ADAMTSL3: variants seen among roughly 807,000 people sequenced by gnomAD.
ADAMTSL3 encodes ADAMTS-like protein 3.
A neutral mutation model predicts 201.7 loss-of-function variants in ADAMTSL3; 128 were observed. The observed-to-expected ratio is 0.63, with a 90% CI of 0.55 to 0.73. The LOEUF (loss-of-function observed/expected upper bound fraction) is 0.73, where lower values mean the gene tolerates loss of function less well. Ranked by LOEUF, ADAMTSL3 falls within the 30% of genes least tolerant of loss-of-function variation. The probability of loss-of-function intolerance (pLI) is 0.00; values close to 1 mark genes in which losing one functional copy is unlikely to be tolerated. For synonymous variants in ADAMTSL3, 738 were observed against 748.4 expected (o/e 0.99, Z 0.23); for missense variants, 1,990 against 2,119.6 (o/e 0.94, Z 1.20).
chr15:83,931,925 A>G (rs558866328), intron 17 of ADAMTSL3, among the ~76,000 whole-genome samples: 2 of 152,348 alleles, frequency 1.3e-5, no homozygotes, highest in African/African-American at 4.8e-5. Flanking sequence ...TATGAAGTAA[A>G]CTGTTTACTA....
At chr15:83,875,797 A>G (rs1163355300) in intron 9 of ADAMTSL3, among the ~76,000 whole-genome samples, 1 of 152,014 alleles carries the variant, frequency 6.6e-6, no homozygotes, top group African/African-American at 2.4e-5. Context: ...ATAAAATAAA[A>G]TAAAATAAAT....
At chr15:83,822,943 G>A (rs974394319) in intron 6 of ADAMTSL3, among the ~76,000 whole-genome samples, 3 of 152,080 alleles carry the variant, frequency 2.0e-5, no homozygotes, top group Non-Finnish European at 4.4e-5. Flanking sequence ...CTGCAATCCC[G>A]GCACCTCGGG....
chr15:83,886,334 T>C (rs1420998659), intron 10 of ADAMTSL3, among the ~76,000 whole-genome samples: 2 of 152,208 alleles, frequency 1.3e-5, no homozygotes, highest in Non-Finnish European at 2.9e-5. Flanking sequence ...TACTATGTGT[T>C]TACCATGTGT....
At chr15:83,953,243 G>A (rs895515700) in intron 19 of ADAMTSL3, among the ~76,000 whole-genome samples, 5 of 151,822 alleles carry the variant, frequency 3.3e-5, no homozygotes, top group African/African-American at 9.7e-5. Flanking sequence ...TTTAGTACAG[G>A]TGATTTTTTT....
At chr15:83,655,952 T>C in intron 2 of ADAMTSL3, 122 bp downstream of exon 2, 1 of 1,043,762 alleles carries the variant, frequency 9.6e-7, no homozygotes, top group South Asian at 1.5e-5. Flanking sequence ...AGAACCAGAC[T>C]TTCTTTCCTA....
intron 4 of ADAMTSL3, among the ~76,000 whole-genome samples, chr15:83,780,927 A>G (rs1322874980): frequency 6.6e-6 from 1 of 152,206 alleles, no homozygotes; most frequent in Non-Finnish European, 1.5e-5. Flanking sequence ...TACAAGGATA[A>G]CTACAAAACA....
chr15:83,767,382 A>T (rs954125155), intron 3 of ADAMTSL3, among the ~76,000 whole-genome samples: 3 of 152,224 alleles, frequency 2.0e-5, no homozygotes, highest in Non-Finnish European at 1.5e-5. Flanking sequence ...TGATTGAAGC[A>T]CACTTGGATT....
At chr15:83,656,020 G>A (rs2061077998) in intron 2 of ADAMTSL3, among the ~76,000 whole-genome samples, 190 bp downstream of exon 2, 1 of 152,060 alleles carries the variant, frequency 6.6e-6, no homozygotes, top group African/African-American at 2.4e-5. Context: ...AGATCCCTTG[G>A]GTCCTCTCTG....
At chr15:84,032,630 A>G (rs1367077787) in intron 28 of ADAMTSL3, among the ~76,000 whole-genome samples, 4 of 152,224 alleles carry the variant, frequency 2.6e-5, no homozygotes, top group African/African-American at 7.2e-5. Flanking sequence ...CTACCTAAGA[A>G]TATATTATAG....
At chr15:83,864,866 C>T (rs1313774134) in intron 8 of ADAMTSL3, among the ~76,000 whole-genome samples, 1 of 152,156 alleles carries the variant, frequency 6.6e-6, no homozygotes, top group African/African-American at 2.4e-5. Context: ...TAGAAAACCC[C>T]ATCGTCTCAG....
At chr15:83,709,487 A>G (rs371792373) in intron 3 of ADAMTSL3, among the ~76,000 whole-genome samples, 3 of 152,208 alleles carry the variant, frequency 2.0e-5, no homozygotes, top group African/African-American at 7.2e-5. Context: ...ACCTGTTCAT[A>G]GGCAAACAGC....
intron 5 of ADAMTSL3, 68 bp from the exon 6 acceptor site, chr15:83,819,743 C>A: frequency 7.8e-7 from 1 of 1,284,126 alleles, no homozygotes; most frequent in Non-Finnish European, 1.1e-6. Context: ...TTCTGGTGAA[C>A]TTATTTCATC....
intron 8 of ADAMTSL3, among the ~76,000 whole-genome samples, chr15:83,866,666 G>A (rs561553956): frequency 3.3e-4 from 50 of 152,188 alleles, no homozygotes; most frequent in Middle Eastern, 3.4e-3. Context: ...GTTAAATGAC[G>A]AGTTAATGTG....
chr15:83,839,836 GA>G (rs2064341511), intron 7 of ADAMTSL3, among the ~76,000 whole-genome samples: 1 of 152,168 alleles, frequency 6.6e-6, no homozygotes, highest in Non-Finnish European at 1.5e-5. Flanking sequence ...AATTCATGAA[GA>G]GGAGACACAT....
intron 3 of ADAMTSL3, chr15:83,739,934 CCTT>C (rs1332527793): frequency 7.1e-6 from 4 of 560,248 alleles, no homozygotes; most frequent in African/African-American, 5.7e-5. Flanking sequence ...TCCTTCAACA[CCTT>C]CTTCAGTGAG....
intron 3 of ADAMTSL3, among the ~76,000 whole-genome samples, chr15:83,712,343 C>T (rs1401150224): frequency 6.6e-6 from 1 of 152,220 alleles, no homozygotes; most frequent in Non-Finnish European, 1.5e-5. Context: ...TCTGCTGCAA[C>T]TGAAAACTGG....
chr15:83,851,691 T>C (rs774592459), intron 7 of ADAMTSL3, among the ~76,000 whole-genome samples: 3 of 152,228 alleles, frequency 2.0e-5, no homozygotes, highest in Non-Finnish European at 4.4e-5. Flanking sequence ...TCAATCACAC[T>C]GCCAAGAGAT....
intron 3 of ADAMTSL3, among the ~76,000 whole-genome samples, chr15:83,712,153 C>A (rs371388962): frequency 2.0e-5 from 3 of 152,226 alleles, no homozygotes; most frequent in Non-Finnish European, 4.4e-5. Flanking sequence ...CTGTCACAAT[C>A]CCTGGATGAA....
chr15:83,833,825 C>T (rs569324494), intron 6 of ADAMTSL3, among the ~76,000 whole-genome samples: 1 of 152,286 alleles, frequency 6.6e-6, no homozygotes, highest in Admixed American at 6.5e-5. Flanking sequence ...TAGTGGTGAA[C>T]TGGAGGATAC....
Sources: allele counts gnomAD v4.1 joint callset (sites outside exome capture counted in the v4.1 genomes callset), GRCh38; gene constraint gnomAD v4.1.1; transcripts MANE v1.5; gene names NCBI Gene and HGNC (gene_info 2026-07-23, HGNC 2026-07-21).